EFCAB5: variants seen among roughly 807,000 people sequenced by gnomAD.
EFCAB5 encodes the protein EF-hand calcium binding domain 5, also known as EF-hand calcium-binding domain-containing protein 5.
A neutral mutation model predicts 167.9 loss-of-function variants in EFCAB5; 131 were observed. That is an observed-to-expected ratio of 0.78 (90% confidence interval 0.68 to 0.90). EFCAB5 has a LOEUF of 0.90. EFCAB5 is among the 40% of genes least tolerant of loss of function. EFCAB5 has a pLI of 0.00. For missense variants in EFCAB5, 1,663 were observed against 1,745.2 expected, an observed-to-expected ratio of 0.95 and a Z score of 0.84; for synonymous variants, 574 against 602.8, an observed-to-expected ratio of 0.95 and a Z score of 0.70.
intron 8 of EFCAB5, among the ~76,000 whole-genome samples, chr17:30,037,647 A>G (rs1258161508): frequency 6.6e-6 from 1 of 152,238 alleles, no homozygotes; most frequent in Non-Finnish European, 1.5e-5. Flanking sequence ...CCTGGTGAAA[A>G]TTTAATAGTT....
At chr17:29,968,738 A>T in intron 3 of EFCAB5, 53 bp from the exon 4 acceptor site, 1 of 1,355,994 alleles carries the variant, frequency 7.4e-7, no homozygotes, top group Non-Finnish European at 9.7e-7. Context: ...AAAGTCACAT[A>T]GATTAAAATT....
chr17:30,085,149 C>T (rs1184658956), intron 18 of EFCAB5, among the ~76,000 whole-genome samples: 1 of 152,074 alleles, frequency 6.6e-6, no homozygotes, highest in Non-Finnish European at 1.5e-5. Context: ...CTGACTGATA[C>T]GAATTATAAA....
At chr17:30,014,290 G>A (rs1442584747) in intron 7 of EFCAB5, among the ~76,000 whole-genome samples, 2 of 152,156 alleles carry the variant, frequency 1.3e-5, no homozygotes, top group African/African-American at 4.8e-5. Context: ...TTGATTTGGG[G>A]TGGAGAGTTC....
At chr17:30,074,452 T>A (rs1178334529) in intron 14 of EFCAB5, 2 of 152,224 alleles carry the variant, frequency 1.3e-5, no homozygotes, top group African/African-American at 4.8e-5. Context: ...ATAATTTTTC[T>A]TGAGAGTCTT....
At chr17:30,026,065 T>C (rs1229162390) in intron 7 of EFCAB5, among the ~76,000 whole-genome samples, 2 of 151,890 alleles carry the variant, frequency 1.3e-5, no homozygotes, top group Non-Finnish European at 2.9e-5. Context: ...ATATACCTAA[T>C]GCTAAATGAC....
At chr17:30,033,778 A>T (rs1009891410) in intron 7 of EFCAB5, among the ~76,000 whole-genome samples, 3 of 152,236 alleles carry the variant, frequency 2.0e-5, no homozygotes, top group African/African-American at 7.2e-5. Flanking sequence ...TCAAAAAACA[A>T]AAAGCCACCC....
intron 3 of EFCAB5, among the ~76,000 whole-genome samples, chr17:29,951,524 TA>T (rs1325728521): frequency 1.9e-4 from 26 of 138,828 alleles, no homozygotes; most frequent in Admixed American, 1.5e-3. Flanking sequence ...TTTTTTTTTT[TA>T]TTTTTTTTTT....
intron 14 of EFCAB5, among the ~76,000 whole-genome samples, chr17:30,061,479 A>T (rs553166426): frequency 6.6e-6 from 1 of 152,354 alleles, no homozygotes; most frequent in African/African-American, 2.4e-5. Context: ...TTAAAATCAT[A>T]GGATTAGAAG....
In EFCAB5 at chr17:30,053,689, C is replaced by A. The variant is rs747499068; in HGVS notation, c.1735C>A (p.His579Asn). Residue 579 changes from histidine (H) to asparagine (N), a missense_variant, in exon 10 of 23, where the codon CAC (histidine) becomes AAC (asparagine). Physicochemically the swap from His to Asn is moderately conservative, Grantham distance 68. Coordinates refer to ENST00000394835, the MANE Select transcript of EFCAB5 (RefSeq NM_198529.4). ...HRESTTEQGQHKGSIEGQGPR... is the reference protein window; with the variant it reads ...HRESTTEQGQNKGSIEGQGPR... ...AGAGTCAACTACAGAACAAGGACAG[C>A]ACAAAGGGTCAATAGAAGGACAAGG... is the stretch of plus-strand genomic sequence containing the variant. The A allele has an allele frequency of 6.2e-7, 1 of 1,613,910 alleles. No homozygotes were observed. The highest frequency in any genetic ancestry group is 8.5e-7 in the Non-Finnish European group (1 of 1,179,882).
intron 20 of EFCAB5, among the ~76,000 whole-genome samples, chr17:30,091,531 T>C (rs1374120923): frequency 6.6e-6 from 1 of 152,156 alleles, no homozygotes; most frequent in East Asian, 1.9e-4. Flanking sequence ...ACCAAGGAAG[T>C]AGGGATTAAG....
Position 30,079,930 on chromosome 17 carries a change from C to T in EFCAB5, c.3028-142C>T, listed in dbSNP as rs1407154527. On this transcript the variant is annotated intron_variant, in intron 15 of 22. Transcript: ENST00000394835. ...ATGCTGTCAACCTTTTCCCCACTGC[C>T]CATGAATAGTAATATATGCATTCTT... is the stretch of plus-strand genomic sequence containing the variant. 5.2e-6 allele frequency: 5 copies of T among 957,452 alleles called. No individual in the cohort carries two copies. The Admixed American group carries it at 1.6e-4, about 30-fold the overall frequency. The allele number at this position is 957,452 out of a possible 1,614,324, so 59.3% of individuals were successfully genotyped here.
intron 14 of EFCAB5, among the ~76,000 whole-genome samples, chr17:30,063,478 T>G (rs1287562054): frequency 2.0e-5 from 3 of 152,182 alleles, no homozygotes; most frequent in African/African-American, 7.2e-5. Context: ...TGCTGTGCCC[T>G]GCCCCCCAGG....
chr17:30,102,958 C>T (rs1485358213), intron 22 of EFCAB5, among the ~76,000 whole-genome samples: 1 of 151,930 alleles, frequency 6.6e-6, no homozygotes, highest in Non-Finnish European at 1.5e-5. Flanking sequence ...CCCACCTGAG[C>T]CTCCCTAGTA....
At chr17:30,091,469 G>A (rs796150602) in intron 20 of EFCAB5, among the ~76,000 whole-genome samples, 40 of 152,300 alleles carry the variant, frequency 2.6e-4, no homozygotes, top group South Asian at 6.2e-4. Context: ...TATGTGTAAC[G>A]CCTGTAACTA....
At chr17:29,948,472 A>G (rs1382532714) in intron 3 of EFCAB5, among the ~76,000 whole-genome samples, 1 of 152,182 alleles carries the variant, frequency 6.6e-6, no homozygotes, top group Non-Finnish European at 1.5e-5. Context: ...CTTATTTATT[A>G]AATAATCATT....
In EFCAB5 at chr17:30,101,830, T is replaced by C. The variant is rs376925044; in HGVS notation, c.4322-6004T>C. 3.3e-5 allele frequency among the ~76,000 whole-genome samples: 5 copies of C among 152,324 alleles called. No individual in the cohort carries two copies. The East Asian group carries it at 7.7e-4, about 24-fold the overall frequency. On this transcript the variant is annotated intron_variant, in intron 22 of 22. Coordinates refer to ENST00000394835, the MANE Select transcript of EFCAB5 (RefSeq NM_198529.4). ...GGGAAATCCTGTAGAAAGCAAGAAG[T>C]TGACAATGTTGAAGACAGAGAATTC... is the stretch of plus-strand genomic sequence containing the variant.
At position 29,971,893 on chromosome 17, in the gene EFCAB5, C is replaced by T. The variant is rs907589621; in HGVS notation, c.767+2526C>T. 3.9e-5 allele frequency among the ~76,000 whole-genome samples: 6 copies of T among 152,172 alleles called. No homozygotes were observed. In the East Asian group the frequency reaches 1.2e-3, roughly 29 times the overall value. ...GTTTTCCCCTTTTGGGAAAGGGTTC[C>T]TTTTTCAGTATCATCATGGATGCAT... On this transcript the variant is annotated intron_variant, in intron 4 of 22. Coordinates refer to ENST00000394835, the MANE Select transcript of EFCAB5 (RefSeq NM_198529.4).
chr17:30,008,534 G>A (rs768948476), intron 7 of EFCAB5, among the ~76,000 whole-genome samples: 3 of 151,824 alleles, frequency 2.0e-5, no homozygotes, highest in Admixed American at 1.3e-4. Flanking sequence ...AGGTTGCAGC[G>A]AGCTGAGATC....
At chr17:29,990,181 A>G (rs1193832505) in intron 4 of EFCAB5, among the ~76,000 whole-genome samples, 1 of 152,182 alleles carries the variant, frequency 6.6e-6, no homozygotes, top group East Asian at 1.9e-4. Flanking sequence ...ACCAACTCCA[A>G]CTATGTTAAA....
Sources: gnomAD v4.1 joint callset for allele counts (sites outside exome capture counted in the v4.1 genomes callset) on GRCh38, gnomAD v4.1.1 for gene constraint, MANE v1.5 for transcripts, NCBI Gene and HGNC (gene_info 2026-07-23, HGNC 2026-07-21) for gene names.